OTP: variants seen among roughly 807,000 people sequenced by gnomAD.
OTP encodes orthopedia homeobox.
OTP carries 5 observed loss-of-function variants against 22.3 expected under a neutral mutation model. The observed-to-expected ratio is 0.22, with a 90% CI of 0.12 to 0.47. The LOEUF (loss-of-function observed/expected upper bound fraction) is 0.47. OTP is among the 20% of genes least tolerant of loss of function. The pLI, the probability that OTP is intolerant of heterozygous loss-of-function variation, is 0.99. For synonymous variants in OTP, 229 were observed against 210.6 expected, an observed-to-expected ratio of 1.09 and a Z score of -0.76; for missense variants, 428 against 456.2, an observed-to-expected ratio of 0.94 and a Z score of 0.56.
At chr5:77,635,915 A>AAC (rs2112371835) in intron 2 of OTP, 1 of 150,328 alleles carries the variant, frequency 6.7e-6, no homozygotes, top group African/African-American at 2.5e-5. Flanking sequence ...AAACAAAAAA[A>AAC]AAAAACAAAC....
At position 77,637,156 on chromosome 5, in the gene OTP, G is replaced by T; in HGVS notation, c.112C>A (p.Pro38Thr). 6.3e-7 allele frequency: 1 copy of T among 1,586,266 alleles called. No homozygotes were observed. The highest frequency in any genetic ancestry group is 8.6e-7 in the Non-Finnish European group (1 of 1,166,380). Residue 38 changes from proline (P) to threonine (T), a missense_variant, in exon 2 of 3, where the codon CCC becomes ACC. By Grantham distance (38) the Pro-to-Thr change is conservative. Around this residue, in one of 3 missense-constraint regions of OTP, gnomAD observed 176 missense variants for 162.9 expected, o/e 1.08. Coordinates refer to ENST00000306422, the MANE Select transcript of OTP (RefSeq NM_032109.3). Reference sequence around the variant, plus strand: ...GCCAGGTCCCCCGGATGGCCCCCGGGGTCGGAGCCCCCCACGCCCAGCCTA... The same window carrying T: ...GCCAGGTCCCCCGGATGGCCCCCGGTGTCGGAGCCCCCCACGCCCAGCCTA... ...KCRLGVGGSD[P>T]GGHPGDLAPN...
In OTP at chr5:77,630,017, G is replaced by C. The variant is rs1244978961; in HGVS notation, c.*247C>G. The stretch of plus-strand genomic sequence containing the variant: ...CCGAGCCGAGGGCGCAGCTGGGTGG[G>C]AAGGGAAGAGGGGCGGCCGGGAGAC... On this transcript the variant is annotated 3_prime_UTR_variant, in exon 3 of 3. Coordinates refer to ENST00000306422, the MANE Select transcript of OTP (RefSeq NM_032109.3). 3.1e-5 allele frequency: 7 copies of C among 229,074 alleles called. No homozygotes were observed. Among genetic ancestry groups the C allele is most frequent in the African/African-American group, 4.6e-5 (2 of 43,310 alleles). 14.2% of individuals were successfully genotyped at this position (229,074 alleles called of 1,614,324 possible). A position where few individuals can be genotyped will look rare whatever the true frequency, so the allele number is the denominator to read the frequency against.
rs1207992992 is a variant in OTP, at chr5:77,630,688, G to A, written c.554C>T (p.Pro185Leu). 6.3e-7 allele frequency: 1 copy of A among 1,581,928 alleles called. No individual in the cohort carries two copies. The highest frequency in any genetic ancestry group is 8.5e-7 in the Non-Finnish European group (1 of 1,172,132). Residue 185 changes from proline (P) to leucine (L), a missense_variant, in exon 3 of 3, where the codon CCG (proline) becomes CTG (leucine). Transcript: ENST00000306422. ...LLPTPGLPQFPSAAAAAAAAM... is the reference protein window; with the variant it reads ...LLPTPGLPQFLSAAAAAAAAM... Reference sequence around the variant, plus strand: ...GGCGGCAGCGGCGGCGGCAGCCGACGGGAACTGAGGCAGGCCTGGCGTGGG... The same window carrying A: ...GGCGGCAGCGGCGGCGGCAGCCGACAGGAACTGAGGCAGGCCTGGCGTGGG...
At chr5:77,634,617 A>G (rs963054612) in intron 2 of OTP, among the ~76,000 whole-genome samples, 1 of 152,210 alleles carries the variant, frequency 6.6e-6, no homozygotes, top group Admixed American at 6.5e-5. Context: ...ATCATATAAG[A>G]ACATAAGCCA....
chr5:77,638,568 G>C lies in OTP; in HGVS notation c.-19C>G, dbSNP rs561886151. 3.2e-6 allele frequency: 5 copies of C among 1,553,954 alleles called. No individual in the cohort carries two copies. The highest frequency in any genetic ancestry group is 1.7e-4 in the Middle Eastern group (1 of 5,860). On this transcript the variant is annotated 5_prime_UTR_variant, in exon 1 of 3. Transcript: ENST00000306422. Reference sequence around the variant, plus strand: ...ACAGCATCGCGCACCGCTCCAGGGCGAAAGCTGTTCCCCCCCAAATTTTAG... The same window carrying C: ...ACAGCATCGCGCACCGCTCCAGGGCCAAAGCTGTTCCCCCCCAAATTTTAG...
At chr5:77,637,982 G>T (rs577536917) in intron 1 of OTP, among the ~76,000 whole-genome samples, 1 of 152,050 alleles carries the variant, frequency 6.6e-6, no homozygotes, top group Non-Finnish European at 1.5e-5. Context: ...TTGCAGAAGA[G>T]GGGGGGATGA....
rs757654423 is a variant in OTP at position 77,630,411 on chromosome 5, C to T, written c.831G>A (p.Val277=). ...TGCTGGGGCCGGGGAGGGAGGCGGG[C>T]ACCATGCCGGGGAAGGCGGGCTGGT... ...HLYQPAFPGM[V]PASLPGPSNV... is the part of the protein sequence containing the mutation. Residue 277 remains valine, a synonymous_variant, in exon 3 of 3, where the codon GTG becomes GTA. Transcript: ENST00000306422. 5 of 1,581,792 alleles carry T rather than the reference C, an allele frequency of 3.2e-6. No homozygotes were observed. Among genetic ancestry groups the T allele is most frequent in the Non-Finnish European group, 4.3e-6 (5 of 1,166,658 alleles).
intron 2 of OTP, among the ~76,000 whole-genome samples, chr5:77,634,248 A>G (rs537040357): frequency 1.3e-5 from 2 of 152,330 alleles, no homozygotes; most frequent in East Asian, 3.9e-4. Flanking sequence ...TGATTCTCAC[A>G]TTGCTGCTTA....
chr5:77,635,295 A>G (rs1744989707), intron 2 of OTP, among the ~76,000 whole-genome samples: 1 of 152,228 alleles, frequency 6.6e-6, no homozygotes, highest in Non-Finnish European at 1.5e-5. Context: ...GAAATTGTAT[A>G]TTTATGTAAA....
In OTP at chr5:77,637,091, G is replaced by A. The variant is rs760802561; in HGVS notation, c.177C>T (p.Pro59=). 18 of 1,613,070 alleles carry A rather than the reference G, an allele frequency of 1.1e-5. No homozygotes were observed. Among genetic ancestry groups the A allele is most frequent in the East Asian group, 4.5e-5 (2 of 44,852 alleles). The change falls in exon 2 of 3, where the codon CCC becomes CCT. Residue 59 remains proline (P), a synonymous_variant. Transcript: ENST00000306422. ...SDPVEGATLL[P]GEDITTVGST... ...AGCCCACTGTGGTGATGTCCTCCCC[G>A]GGCAGCAGAGTGGCTCCCTCCACTG... is the stretch of plus-strand genomic sequence containing the variant.
At chr5:77,638,213 C>T (rs4704437) in intron 1 of OTP, among the ~76,000 whole-genome samples, 4,616 of 140,042 alleles carry the variant, frequency 0.033, 173 homozygotes, top group East Asian at 0.19. Flanking sequence ...GAGAGAAACA[C>T]CTCCTAACAA....
At chr5:77,631,551 C>CTTTTTTTTTT (rs70988699) in intron 2 of OTP, among the ~76,000 whole-genome samples, 20 of 74,250 alleles carry the variant, frequency 2.7e-4, no homozygotes, top group Non-Finnish European at 4.1e-4. Flanking sequence ...CAACCCTATT[C>CTTTTTTTTTT]TTTTTTTTTT....
rs1032939880 is a variant in OTP at position 77,629,075 on chromosome 5, C to G, written c.*1189G>C. ...GCTGCCAGCAGGTGGCCGAGGGGCA[C>G]GAGGGACGACAGGACCACCACAAAA... On this transcript the variant is annotated 3_prime_UTR_variant, in exon 3 of 3. Coordinates refer to ENST00000306422, the MANE Select transcript of OTP (RefSeq NM_032109.3). 1 of 152,484 alleles carries G rather than the reference C, an allele frequency of 6.6e-6. No homozygotes were observed. The highest frequency in any genetic ancestry group is 1.9e-4 in the East Asian group (1 of 5,184). The allele number at this position is 152,484 out of a possible 1,614,324, so 9.4% of individuals were successfully genotyped here.
chr5:77,637,420 G>A (rs1745027550), intron 1 of OTP, among the ~76,000 whole-genome samples, 190 bp from the exon 2 acceptor site: 2 of 152,204 alleles, frequency 1.3e-5, no homozygotes, highest in African/African-American at 2.4e-5. Context: ...AATATCTCCC[G>A]GCCCCTTGCC....
intron 2 of OTP, among the ~76,000 whole-genome samples, chr5:77,633,174 A>G (rs1744955910): frequency 6.6e-6 from 1 of 152,232 alleles, no homozygotes; most frequent in Non-Finnish European, 1.5e-5. Context: ...ATTGCCCAGT[A>G]GAATTTCAAT....
At chr5:77,637,269 C>A (rs1745024839) in intron 1 of OTP, 39 bp from the exon 2 acceptor site, 5 of 1,460,336 alleles carry the variant, frequency 3.4e-6, no homozygotes, top group Non-Finnish European at 3.6e-6. Context: ...ACTTTCTTGG[C>A]GATGCCAGGA....
intron 2 of OTP, among the ~76,000 whole-genome samples, chr5:77,632,511 G>T (rs2048887151): frequency 6.6e-6 from 1 of 151,872 alleles, no homozygotes; most frequent in Admixed American, 6.6e-5. Context: ...AAGTATCAGG[G>T]GTATGGACAT....
At position 77,636,983 on chromosome 5, in the gene OTP, G is replaced by T. The variant is rs777396009; in HGVS notation, c.285C>A (p.Ala95=). The T allele has an allele frequency of 2.5e-6, 4 of 1,613,890 alleles. No homozygotes were observed. The highest frequency in any genetic ancestry group is 1.1e-5 in the South Asian group (1 of 91,080). Residue 95 remains alanine (A), a synonymous_variant, in exon 2 of 3, where the codon GCC becomes GCA. Coordinates refer to ENST00000306422, the MANE Select transcript of OTP (RefSeq NM_032109.3). ...GCTTCTGTTGGCCCTGCTGCTGGCC[G>T]GCTTGGCTGGGGTTCGGGCCGCCCT... is the stretch of plus-strand genomic sequence containing the variant. The part of the protein sequence containing the change: ...GPQGGPNPSQ[A]GQQQGQQKQK...
At chr5:77,632,846 A>G (rs1300681133) in intron 2 of OTP, among the ~76,000 whole-genome samples, 4 of 152,148 alleles carry the variant, frequency 2.6e-5, no homozygotes, top group Non-Finnish European at 4.4e-5. Context: ...AGTGGGATCA[A>G]TGAGACCCAA....
Sources: allele counts gnomAD v4.1 joint callset (sites outside exome capture counted in the v4.1 genomes callset), GRCh38; gene constraint gnomAD v4.1.1; regional missense constraint gnomAD v4.1.1; transcripts MANE v1.5; gene names NCBI Gene and HGNC (gene_info 2026-07-23, HGNC 2026-07-21).